Variants in NPAS3 observed in about 807,000 individuals in gnomAD.
NPAS3 encodes neuronal PAS domain-containing protein 3.
NPAS3 carries 14 observed loss-of-function variants against 73.1 expected under a neutral mutation model. The ratio of observed to expected loss-of-function variants is 0.19; its 90% CI spans 0.13 to 0.30. NPAS3 has a LOEUF of 0.30. Ranked by LOEUF, NPAS3 falls within the 10% of genes least tolerant of loss-of-function variation. NPAS3 has a pLI of 1.00. For synonymous variants in NPAS3, 620 were observed against 541.5 expected, an observed-to-expected ratio of 1.14 and a Z score of -2.01; for missense variants, 1,096 against 1,250.0, an observed-to-expected ratio of 0.88 and a Z score of 1.86.
chr14:33,278,872 T>C (rs2041459108), intron 3 of NPAS3, among the ~76,000 whole-genome samples: 1 of 152,196 alleles, frequency 6.6e-6, no homozygotes, highest in Non-Finnish European at 1.5e-5. Context: ...GTGTATATAA[T>C]TTGCATGAGC....
intron 3 of NPAS3, among the ~76,000 whole-genome samples, chr14:33,277,106 G>A (rs1017210493): frequency 6.6e-6 from 1 of 152,086 alleles, no homozygotes; most frequent in Non-Finnish European, 1.5e-5. Context: ...TGATATTTTA[G>A]ATAGTGTTCC....
chr14:33,779,315 C>T (rs922924456), intron 9 of NPAS3, among the ~76,000 whole-genome samples: 42 of 152,198 alleles, frequency 2.8e-4, no homozygotes, highest in African/African-American at 8.2e-4. Context: ...CGCATCCAAC[C>T]GCCCTGGCTG....
intron 1 of NPAS3, among the ~76,000 whole-genome samples, chr14:33,011,850 A>T (rs1403454280): frequency 6.6e-6 from 1 of 151,948 alleles, no homozygotes; most frequent in East Asian, 1.9e-4. Context: ...CCCAAGGTGT[A>T]CTCTTGGTTT....
intron 3 of NPAS3, among the ~76,000 whole-genome samples, chr14:33,322,936 A>C (rs531088787): frequency 1.1e-4 from 17 of 152,228 alleles, no homozygotes; most frequent in African/African-American, 3.6e-4. Context: ...TGACTTACCT[A>C]ATCAGAAAAT....
Position 33,800,991 on chromosome 14 carries a change from C to G in NPAS3, c.2684C>G (p.Thr895Arg). Residue 895 changes from threonine (T) to arginine (R), a missense_variant, in exon 12 of 12, where the codon ACG becomes AGG. By Grantham distance (71) the Thr-to-Arg change is moderately conservative. Around this residue, in one of 5 missense-constraint regions of NPAS3, gnomAD observed 698 missense variants for 676.7 expected, o/e 1.03. Coordinates refer to ENST00000356141, the Ensembl canonical transcript of NPAS3. The surrounding 1 kb of genome is among the most constrained non-coding windows in gnomAD (Gnocchi z 6.5). ...GGCGCAGTGAGCGCAGCTAGCCTGA[C>G]GCAGATGCCCGCCGGCAACGTGTTC... 1 of 1,586,814 alleles carries G rather than the reference C, an allele frequency of 6.3e-7. No homozygotes were observed. Among genetic ancestry groups the G allele is most frequent in the Non-Finnish European group, 8.6e-7 (1 of 1,167,264 alleles).
At chr14:33,442,216 C>T (rs2049282157) in intron 4 of NPAS3, among the ~76,000 whole-genome samples, 1 of 152,064 alleles carries the variant, frequency 6.6e-6, no homozygotes, top group African/African-American at 2.4e-5. Flanking sequence ...AGCTATTTAG[C>T]AGCCACTTCA....
chr14:33,567,606 G>T (rs1358010540), intron 5 of NPAS3, among the ~76,000 whole-genome samples: 1 of 152,196 alleles, frequency 6.6e-6, no homozygotes, highest in Non-Finnish European at 1.5e-5. Context: ...GAAAGGTTAT[G>T]CTAGTAAATG....
chr14:33,506,968 T>C (rs941087937), intron 4 of NPAS3, among the ~76,000 whole-genome samples: 4 of 151,946 alleles, frequency 2.6e-5, no homozygotes, highest in African/African-American at 9.7e-5. Context: ...ACTATTAGCT[T>C]TTAAGTTTTA....
At chr14:33,366,543 C>G (rs1477670096) in intron 3 of NPAS3, among the ~76,000 whole-genome samples, 1 of 152,182 alleles carries the variant, frequency 6.6e-6, no homozygotes. Context: ...TGGTGAGGCA[C>G]ATGCTGGCCA....
chr14:33,610,072 T>G (rs775922704), intron 5 of NPAS3, among the ~76,000 whole-genome samples: 1 of 152,218 alleles, frequency 6.6e-6, no homozygotes, highest in Non-Finnish European at 1.5e-5. Context: ...AGCCACTTGC[T>G]TTACATTTCC....
At chr14:33,642,051 A>G (rs2058688853) in intron 5 of NPAS3, among the ~76,000 whole-genome samples, 1 of 152,172 alleles carries the variant, frequency 6.6e-6, no homozygotes, top group Admixed American at 6.5e-5. Flanking sequence ...TCATGTCGAT[A>G]GATAGAAAAT....
At chr14:33,607,954 G>A (rs928688598) in intron 5 of NPAS3, among the ~76,000 whole-genome samples, 8 of 152,052 alleles carry the variant, frequency 5.3e-5, no homozygotes, top group African/African-American at 1.9e-4. Context: ...ATAGCGTGGG[G>A]GAAGCTGCCC....
chr14:33,296,273 T>C (rs1247382974), intron 3 of NPAS3, among the ~76,000 whole-genome samples: 1 of 152,232 alleles, frequency 6.6e-6, no homozygotes, highest in Non-Finnish European at 1.5e-5. Context: ...CTTCATTGTC[T>C]CTTTTAATAG....
In NPAS3 at chr14:33,589,306, A is replaced by C. The variant is rs187714123; in HGVS notation, c.558+29096A>C. Among the ~76,000 whole-genome samples the C allele has an allele frequency of 3.1e-4, 47 of 152,344 alleles. No homozygotes were observed. In the East Asian group the frequency reaches 7.7e-3, roughly 25 times the overall value. On this transcript the variant is annotated intron_variant, in intron 5 of 11. Coordinates refer to ENST00000356141, the Ensembl canonical transcript of NPAS3. ...AATGGGAGGGAGGGGATTAAATTCT[A>C]TTTGTAGTTGAATGCTGCTTATGAC... is the stretch of plus-strand genomic sequence containing the variant.
intron 6 of NPAS3, among the ~76,000 whole-genome samples, chr14:33,725,064 T>G (rs1014823188): frequency 3.9e-5 from 6 of 152,174 alleles, no homozygotes; most frequent in Admixed American, 1.3e-4. Flanking sequence ...CTTTAAAAAT[T>G]TGTTTAAAAA....
At chr14:33,631,915 T>C (rs8022473) in intron 5 of NPAS3, among the ~76,000 whole-genome samples, 21,499 of 152,196 alleles carry the variant, frequency 0.14, 1,762 homozygotes, top group African/African-American at 0.23. Context: ...AATTGCATCC[T>C]TCATTTGCAT....
intron 3 of NPAS3, among the ~76,000 whole-genome samples, chr14:33,331,753 A>ATCAT (rs2140278675): frequency 1.3e-5 from 2 of 152,338 alleles, no homozygotes; most frequent in Admixed American, 1.3e-4. Context: ...ACATGATGAC[A>ATCAT]TCATTTTTGA....
rs192447231 is a variant in NPAS3, at chr14:33,750,806, A to T, written c.852+15474A>T. ...GAGCAGAGTCTAGAGTTAGGCAGGC[A>T]CACAAAGAAATGATAATGAGATAAT... On this transcript the variant is annotated intron_variant, in intron 7 of 11. Coordinates refer to ENST00000356141, the Ensembl canonical transcript of NPAS3. 3.9e-5 allele frequency among the ~76,000 whole-genome samples: 6 copies of T among 152,316 alleles called. No homozygotes were observed. The East Asian group carries it at 7.7e-4, about 20-fold the overall frequency.
At chr14:33,451,342 C>T (rs2049782155) in intron 4 of NPAS3, among the ~76,000 whole-genome samples, 1 of 152,168 alleles carries the variant, frequency 6.6e-6, no homozygotes, top group Non-Finnish European at 1.5e-5. Context: ...AAGTTTAAAT[C>T]TGAGCCTTCT....
Sources: gnomAD v4.1 joint callset for allele counts (sites outside exome capture counted in the v4.1 genomes callset) on GRCh38, gnomAD v4.1.1 for gene constraint, gnomAD v4.1.1 regional missense constraint, Gnocchi (gnomAD v3.1) non-coding constraint, MANE v1.5 for transcripts, NCBI Gene and HGNC (gene_info 2026-07-23, HGNC 2026-07-21) for gene names.